Variants in SYCP2L observed in about 807,000 individuals in gnomAD.
The protein encoded by SYCP2L is synaptonemal complex protein 2-like.
SYCP2L carries 98 observed loss-of-function variants against 125.8 expected under a neutral mutation model. The observed-to-expected ratio is 0.78, with a 90% CI of 0.66 to 0.92. The LOEUF is 0.92. Ranked by LOEUF, SYCP2L falls within the 40% of genes least tolerant of loss-of-function variation. The pLI, the probability that SYCP2L is intolerant of heterozygous loss-of-function variation, is 0.00. For missense variants in SYCP2L, 842 were observed against 936.4 expected, an observed-to-expected ratio of 0.90 and a Z score of 1.32; for synonymous variants, 317 against 325.4, an observed-to-expected ratio of 0.97 and a Z score of 0.28.
chr6:10,963,949 C>T (rs983545100), intron 29 of SYCP2L, 106 bp downstream of exon 29: 15 of 746,806 alleles, frequency 2.0e-5, no homozygotes, highest in Admixed American at 1.0e-4. Flanking sequence ...ATTTCTGCAG[C>T]GGAACTTCTC....
chr6:10,939,957 TA>T (rs1241847733), intron 21 of SYCP2L, among the ~76,000 whole-genome samples: 1 of 152,184 alleles, frequency 6.6e-6, no homozygotes, highest in Non-Finnish European at 1.5e-5. Context: ...GATAATAGGT[TA>T]GGGGTTAATA....
chr6:10,910,067 C>T, intron 10 of SYCP2L, 81 bp from the exon 11 acceptor site: 1 of 1,139,582 alleles, frequency 8.8e-7, no homozygotes, highest in South Asian at 1.3e-5. Flanking sequence ...GAAGCAAACA[C>T]TGGCCTCTGT....
chr6:10,955,028 A>G lies in SYCP2L; in HGVS notation c.1955-88A>G, dbSNP rs556842961. The G allele has an allele frequency of 3.9e-4, 340 of 868,750 alleles. No individual in the cohort carries two copies. The African/African-American group carries it at 4.6e-3, about 12-fold the overall frequency. 53.8% of individuals were successfully genotyped at this position (868,750 alleles called of 1,614,324 possible). ...GCAACAGGCAGGGGACAAGTTTCAG[A>G]TGGTACTCTTCACAGTAAGACATTA... On this transcript the variant is annotated intron_variant, in intron 23 of 29. Coordinates refer to ENST00000283141, the MANE Select transcript of SYCP2L (RefSeq NM_001040274.3).
At chr6:10,910,090 T>C in intron 10 of SYCP2L, 58 bp from the exon 11 acceptor site, 1 of 1,434,958 alleles carries the variant, frequency 7.0e-7, no homozygotes. Flanking sequence ...GCTAAGGTAG[T>C]ATTAACTAAG....
intron 29 of SYCP2L, among the ~76,000 whole-genome samples, chr6:10,970,400 C>T (rs56051277): frequency 3.2e-4 from 48 of 151,944 alleles, no homozygotes; most frequent in Non-Finnish European, 3.5e-4. Context: ...CCTTACAGGC[C>T]GTGGTAAGGA....
intron 29 of SYCP2L, among the ~76,000 whole-genome samples, chr6:10,967,505 GAAA>G (rs1218537840): frequency 6.9e-6 from 1 of 145,634 alleles, no homozygotes; most frequent in Non-Finnish European, 1.5e-5. Context: ...GTATTGAGGA[GAAA>G]AAAAGAAAAA....
intron 21 of SYCP2L, among the ~76,000 whole-genome samples, chr6:10,936,980 A>G (rs1781108919): frequency 2.0e-5 from 3 of 152,368 alleles, no homozygotes; most frequent in South Asian, 4.1e-4. Context: ...AGAAATAGCA[A>G]TACAATAAAA....
At position 10,924,512 on chromosome 6, in the gene SYCP2L, G is replaced by T. The variant is rs764751196; in HGVS notation, c.1089G>T (p.Lys363Asn). 6.3e-7 allele frequency: 1 copy of T among 1,583,096 alleles called. No homozygotes were observed. The highest frequency in any genetic ancestry group is 2.3e-5 in the East Asian group (1 of 43,772). Reference sequence around the variant, plus strand: ...TTCTCTTAGAAACGGAGAAGATAAAGATATTTATCATTTACCTGAAGAAGC... The same window carrying T: ...TTCTCTTAGAAACGGAGAAGATAAATATATTTATCATTTACCTGAAGAAGC... ...NFSITETEKI[K>N]IFIIYLKKPM... The change falls in exon 15 of 30, where the codon AAG becomes AAT. Residue 363 changes from lysine to asparagine, a missense_variant. Lys to Asn is a moderately conservative substitution (Grantham distance 94, BLOSUM62 0). Coordinates refer to ENST00000283141, the MANE Select transcript of SYCP2L (RefSeq NM_001040274.3).
intron 29 of SYCP2L, 118 bp downstream of exon 29, chr6:10,963,961 A>AT (rs149829365): frequency 0.31 from 145,552 of 475,518 alleles, 14,657 homozygotes; most frequent in Admixed American, 0.43. Context: ...GAACTTCTCC[A>AT]TTTTTTTTTT....
chr6:10,936,101 A>G (rs1038029509), intron 21 of SYCP2L, among the ~76,000 whole-genome samples: 1 of 152,178 alleles, frequency 6.6e-6, no homozygotes, highest in Non-Finnish European at 1.5e-5. Context: ...CAGGCATACA[A>G]TGATATTTAG....
rs1320258241 is a variant in SYCP2L, at chr6:10,954,502, T to TG, written c.1955-613dup. Among the ~76,000 whole-genome samples, 6 of 152,184 alleles carry TG rather than the reference T, an allele frequency of 3.9e-5. No individual in the cohort carries two copies. The highest frequency in any genetic ancestry group is 1.4e-4 in the African/African-American group (6 of 41,520). ...AGTTGAGCATAAAGCCAGGGCTCTG[T>TG]GAACCATGGTGGTGCCATTGATAAG... On this transcript the variant is annotated intron_variant, in intron 23 of 29. Coordinates refer to ENST00000283141, the MANE Select transcript of SYCP2L (RefSeq NM_001040274.3). The surrounding 1 kb of genome is among the most constrained non-coding windows in gnomAD (Gnocchi z 4.8).
chr6:10,926,220 T>C, intron 15 of SYCP2L, 119 bp from the exon 16 acceptor site: 2 of 750,796 alleles, frequency 2.7e-6, no homozygotes, highest in Middle Eastern at 4.0e-4. Context: ...GACAAACTGG[T>C]AAACTTGACT....
chr6:10,940,939 G>A (rs1781206237), intron 21 of SYCP2L, among the ~76,000 whole-genome samples: 1 of 152,172 alleles, frequency 6.6e-6, no homozygotes, highest in Admixed American at 6.5e-5. Context: ...CAGATGGGCA[G>A]CTCCTTAAGG....
chr6:10,902,251 TC>T (rs751132401), intron 6 of SYCP2L, among the ~76,000 whole-genome samples: 11 of 152,222 alleles, frequency 7.2e-5, no homozygotes, highest in Non-Finnish European at 1.2e-4. Context: ...ATCTGTCACA[TC>T]TTTGTTTTTA....
At chr6:10,910,323 T>C (rs531611679) in intron 11 of SYCP2L, 123 bp downstream of exon 11, 22 of 875,010 alleles carry the variant, frequency 2.5e-5, no homozygotes, top group Non-Finnish European at 3.5e-5. Flanking sequence ...TTACAGAGTA[T>C]ACTGAGTTGT....
intron 14 of SYCP2L, among the ~76,000 whole-genome samples, chr6:10,918,249 G>A (rs550524115): frequency 2.5e-4 from 38 of 151,174 alleles, no homozygotes; most frequent in Non-Finnish European, 5.3e-4. Context: ...AATGTGCCTC[G>A]CCAATGATCT....
rs189836527 is a variant in SYCP2L at position 10,912,753 on chromosome 6, A to G, written c.999A>G (p.Ile333Met). The change falls in exon 13 of 30, where the codon ATA becomes ATG. Residue 333 changes from isoleucine (I) to methionine (M), a missense_variant. Coordinates refer to ENST00000283141, the MANE Select transcript of SYCP2L (RefSeq NM_001040274.3). The surrounding 1 kb of genome is among the most constrained non-coding windows in gnomAD (Gnocchi z 4.1). ...NLGSQSVTFY[I>M]DNAENTLWDS... ...GAAGTCAGAGTGTCACTTTTTATATAGACAATGCTGAGGTAATGATGTTCG... is the reference window on the plus strand; with the variant it reads ...GAAGTCAGAGTGTCACTTTTTATATGGACAATGCTGAGGTAATGATGTTCG... The G allele has an allele frequency of 1.4e-5, 23 of 1,613,580 alleles. No homozygotes were observed. In the East Asian group the frequency reaches 4.9e-4, roughly 34 times the overall value.
chr6:10,953,444 C>T (rs1781445863), intron 23 of SYCP2L, among the ~76,000 whole-genome samples: 1 of 152,026 alleles, frequency 6.6e-6, no homozygotes, highest in Admixed American at 6.5e-5. Context: ...AAAGCATGGC[C>T]ACTATAGCAA....
intron 29 of SYCP2L, among the ~76,000 whole-genome samples, chr6:10,971,472 AAAAGAAAG>A (rs1184443010): frequency 6.6e-6 from 1 of 151,086 alleles, no homozygotes; most frequent in Non-Finnish European, 1.5e-5. Context: ...AAAAAAAAAA[AAAAGAAAG>A]AAAGAAAGAT....
Sources: allele counts gnomAD v4.1 joint callset (sites outside exome capture counted in the v4.1 genomes callset), GRCh38; gene constraint gnomAD v4.1.1; non-coding constraint Gnocchi (gnomAD v3.1); transcripts MANE v1.5; gene names NCBI Gene and HGNC (gene_info 2026-07-23, HGNC 2026-07-21).